The following C5orf34 variants were observed in gnomAD, a reference collection of about 807,000 sequenced individuals.
The protein encoded by C5orf34 is chromosome 5 open reading frame 34, also known as uncharacterized protein C5orf34.
A neutral mutation model predicts 78.4 loss-of-function variants in C5orf34; 73 were observed. That is an observed-to-expected ratio of 0.93 (90% CI 0.77 to 1.13). The LOEUF is 1.13. Ranked by LOEUF, C5orf34 falls within the 50% of genes most tolerant of loss-of-function variation. The pLI, the probability that C5orf34 is intolerant of heterozygous loss-of-function variation, is 0.00. For missense variants in C5orf34, 730 were observed against 732.7 expected (o/e 1.00, Z 0.04); for synonymous variants, 251 against 246.6 (o/e 1.02, Z -0.17).
chr5:43,496,231 A>T lies in C5orf34; in HGVS notation c.1153-1630T>A. The stretch of plus-strand genomic sequence containing the variant: ...GCTGGTCTCAAATTTCCACAAGGAG[A>T]TATCAATGGTGATACCACGTTCACG... On this transcript the variant is annotated intron_variant, in intron 6 of 12. Transcript: ENST00000306862. The T allele has an allele frequency of 4.4e-6, 7 of 1,575,956 alleles. 1 individual carries two copies. The highest frequency in any genetic ancestry group is 1.3e-5 in the African/African-American group (1 of 74,502).
intron 6 of C5orf34, among the ~76,000 whole-genome samples, chr5:43,501,122 C>G (rs765056219): frequency 2.0e-5 from 3 of 152,236 alleles, no homozygotes; most frequent in East Asian, 3.8e-4. Flanking sequence ...CCTCCCGCAA[C>G]AGCTTTGAGT....
At chr5:43,508,079 G>GA (rs58637292) in intron 3 of C5orf34, among the ~76,000 whole-genome samples, 1,471 of 107,726 alleles carry the variant, frequency 0.014, 7 homozygotes, top group Non-Finnish European at 0.021. Flanking sequence ...CTCCGTCTCA[G>GA]AAAAAAAAAA....
In C5orf34 at chr5:43,508,638, C is replaced by T. The variant is rs547063153; in HGVS notation, c.224G>A (p.Arg75Gln). The T allele has an allele frequency of 1.4e-4, 223 of 1,609,620 alleles. No homozygotes were observed. Among genetic ancestry groups the T allele is most frequent in the Admixed American group, 3.0e-4 (18 of 59,904 alleles). The change falls in exon 3 of 13, where the codon CGA becomes CAA. Residue 75 changes from arginine (R) to glutamine (Q), a missense_variant. Coordinates refer to ENST00000306862, the MANE Select transcript of C5orf34 (RefSeq NM_198566.4). ...AAAAGGGCAAGTAGCTGAAGAGTTTCGAAAATCTAGGGCTCGCTGTAGTTG... is the reference window on the plus strand; with the variant it reads ...AAAAGGGCAAGTAGCTGAAGAGTTTTGAAAATCTAGGGCTCGCTGTAGTTG... ...REQLQRALDF[R>Q]NSSATCPFLS...
intron 3 of C5orf34, among the ~76,000 whole-genome samples, chr5:43,507,399 C>T (rs1271807259): frequency 6.6e-6 from 1 of 152,156 alleles, no homozygotes; most frequent in Non-Finnish European, 1.5e-5. Context: ...AAATTGAGGG[C>T]TGTATTTACT....
intron 11 of C5orf34, among the ~76,000 whole-genome samples, chr5:43,488,796 G>T (rs958184804): frequency 2.8e-4 from 43 of 151,948 alleles, no homozygotes; most frequent in African/African-American, 9.4e-4. Context: ...TATGAGCAAT[G>T]GCATACAACT....
intron 1 of C5orf34, among the ~76,000 whole-genome samples, chr5:43,509,605 C>A (rs1333321910): frequency 6.6e-6 from 1 of 152,274 alleles, no homozygotes; most frequent in East Asian, 1.9e-4. Flanking sequence ...GAGACAACCA[C>A]AAGTGATAAC....
At position 43,490,252 on chromosome 5, in the gene C5orf34, A is replaced by G. The variant is rs566275628; in HGVS notation, c.1679+379T>C. 18 of 168,996 alleles carry G rather than the reference A, an allele frequency of 1.1e-4. No homozygotes were observed. In the South Asian group the frequency reaches 2.3e-3, roughly 21 times the overall value. 10.5% of individuals were successfully genotyped at this position (168,996 alleles called of 1,614,324 possible). A position where few individuals can be genotyped will look rare whatever the true frequency, so the allele number is the denominator to read the frequency against. ...TATGACAGAAATTATTTAAAAATCA[A>G]TGTTTTCTGAAAGCTTATGTTATTA... On this transcript the variant is annotated intron_variant, in intron 11 of 12. Transcript: ENST00000306862.
At chr5:43,495,702 C>T (rs1745487023) in intron 6 of C5orf34, 1 of 1,579,480 alleles carries the variant, frequency 6.3e-7, no homozygotes, top group Non-Finnish European at 8.7e-7. Flanking sequence ...ATTTTGTAGA[C>T]ATCCTGGAGA....
rs773578055 is a variant in C5orf34 at position 43,492,184 on chromosome 5, A to T, written c.1580+31T>A. The T allele has an allele frequency of 1.4e-5, 20 of 1,424,732 alleles. No individual in the cohort carries two copies. The African/African-American group carries it at 2.8e-4, about 20-fold the overall frequency. The allele number at this position is 1,424,732 out of a possible 1,614,324, so 88.3% of individuals were successfully genotyped here. On this transcript the variant is annotated intron_variant, in intron 10 of 12. Transcript: ENST00000306862. ...TCTCTGTTAGTTAAAAGTAAAACATAAAAATAATTTTTAAAATTGCTTTTC... is the reference window on the plus strand; with the variant it reads ...TCTCTGTTAGTTAAAAGTAAAACATTAAAATAATTTTTAAAATTGCTTTTC...
At chr5:43,488,228 T>C (rs543825987) in intron 11 of C5orf34, 67 of 434,040 alleles carry the variant, frequency 1.5e-4, no homozygotes, top group African/African-American at 1.1e-3. Flanking sequence ...TGGGCCTTCC[T>C]GTTACTTCTT....
chr5:43,511,661 A>G (rs1258307225), intron 1 of C5orf34, among the ~76,000 whole-genome samples: 2 of 152,226 alleles, frequency 1.3e-5, no homozygotes, highest in Admixed American at 1.3e-4. Flanking sequence ...TAGACATAGG[A>G]GACTCCATTT....
At chr5:43,506,998 T>A (rs534876213) in intron 3 of C5orf34, among the ~76,000 whole-genome samples, 57 of 152,270 alleles carry the variant, frequency 3.7e-4, no homozygotes, top group African/African-American at 1.2e-3. Context: ...CTAGAATTAC[T>A]GAACAGCATT....
At chr5:43,495,260 G>A (rs1481182590) in intron 6 of C5orf34, 1 of 1,606,736 alleles carries the variant, frequency 6.2e-7, no homozygotes, top group African/African-American at 1.3e-5. Flanking sequence ...ATCAACAATG[G>A]CAGCATCACC....
rs755469989 is a variant in C5orf34 at position 43,490,740 on chromosome 5, T to G, written c.1581-11A>C. On this transcript the variant is annotated splice_polypyrimidine_tract_variant and intron_variant, in intron 10 of 12. Transcript: ENST00000306862. ...ACTGTTGTCACATATCTAAAGTGAA[T>G]ACATTAAAAGAAATACTTGAAAAAT... 1.4e-6 allele frequency: 2 copies of G among 1,388,558 alleles called. No homozygotes were observed. The highest frequency in any genetic ancestry group is 2.0e-6 in the Non-Finnish European group (2 of 984,738). The allele number at this position is 1,388,558 out of a possible 1,614,324, so 86.0% of individuals were successfully genotyped here. A position where few individuals can be genotyped will look rare whatever the true frequency, so the allele number is the denominator to read the frequency against.
At chr5:43,505,681 G>T in intron 4 of C5orf34, 67 bp downstream of exon 4, 1 of 1,441,396 alleles carries the variant, frequency 6.9e-7, no homozygotes, top group South Asian at 1.7e-5. Flanking sequence ...CAGATAAAAA[G>T]AAAATTATCC....
At chr5:43,497,820 C>A (rs113608003) in intron 6 of C5orf34, among the ~76,000 whole-genome samples, 2 of 152,244 alleles carry the variant, frequency 1.3e-5, no homozygotes, top group Admixed American at 6.5e-5. Context: ...GACACCTCAA[C>A]ATCACCATGT....
rs1745970146 is a variant in C5orf34, at chr5:43,506,016, C to T, written c.664G>A (p.Glu222Lys). The part of the protein sequence containing the change: ...MSCVNGTEGR[E>K]ELPSPGTKHT... Reference sequence around the variant, plus strand: ...TTTGTACCAGGCGAAGGCAGCTCTTCCCTCCCTTCAGTTCCATTTACACAA... The same window carrying T: ...TTTGTACCAGGCGAAGGCAGCTCTTTCCTCCCTTCAGTTCCATTTACACAA... Residue 222 changes from glutamate (E) to lysine (K), a missense_variant, in exon 4 of 13, where the codon GAA becomes AAA. By Grantham distance (56) the Glu-to-Lys change is moderately conservative (BLOSUM62 1). Coordinates refer to ENST00000306862, the MANE Select transcript of C5orf34 (RefSeq NM_198566.4). 1 of 1,614,186 alleles carries T rather than the reference C, an allele frequency of 6.2e-7. No individual in the cohort carries two copies. Among genetic ancestry groups the T allele is most frequent in the Non-Finnish European group, 8.5e-7 (1 of 1,180,034 alleles).
rs943402560 is a variant in C5orf34, at chr5:43,486,931, G to A, written c.1901C>T (p.Ser634Leu). ...TTCCATTTTTCACTTTTTAGAGTTTGATAGAAGACAGTCAATATCGTGAAG... is the reference window on the plus strand; with the variant it reads ...TTCCATTTTTCACTTTTTAGAGTTTAATAGAAGACAGTCAATATCGTGAAG... ...EILHDIDCLL[S>L]NSKK The change falls in exon 13 of 13, where the codon TCA (serine) becomes TTA (leucine). Residue 634 changes from serine (S) to leucine (L), a missense_variant. By Grantham distance (145) the Ser-to-Leu change is moderately radical. Transcript: ENST00000306862. 6.6e-7 allele frequency: 1 copy of A among 1,519,456 alleles called. No homozygotes were observed. The allele number at this position is 1,519,456 out of a possible 1,614,324, so 94.1% of individuals were successfully genotyped here. A position where few individuals can be genotyped will look rare whatever the true frequency, so the allele number is the denominator to read the frequency against.
Position 43,495,549 on chromosome 5 carries a change from G to C in C5orf34, c.1153-948C>G, listed in dbSNP as rs951680401. 3 of 1,612,106 alleles carry C rather than the reference G, an allele frequency of 1.9e-6. No homozygotes were observed. In the Admixed American group the frequency reaches 5.0e-5, roughly 27 times the overall value. The stretch of plus-strand genomic sequence containing the variant: ...ACATTGAAGCCCACATTGTCCCCAG[G>C]AAGAGCTTCACTCAAAGCTTCATGG... On this transcript the variant is annotated intron_variant, in intron 6 of 12. Transcript: ENST00000306862.
Sources: gnomAD v4.1 joint callset for allele counts (sites outside exome capture counted in the v4.1 genomes callset) on GRCh38, gnomAD v4.1.1 for gene constraint, MANE v1.5 for transcripts, NCBI Gene and HGNC (gene_info 2026-07-23, HGNC 2026-07-21) for gene names.